CYP2U1: variants seen among roughly 807,000 people sequenced by gnomAD.
CYP2U1 encodes the protein cytochrome P450 2U1.
CYP2U1 carries 28 observed loss-of-function variants against 42.8 expected under a neutral mutation model. The observed-to-expected ratio is 0.65, with a 90% CI of 0.48 to 0.90. The LOEUF is 0.90. CYP2U1 is among the 40% of genes least tolerant of loss of function. CYP2U1 has a pLI of 0.00. For missense variants in CYP2U1, 642 were observed against 693.8 expected (o/e 0.93, Z 0.84); for synonymous variants, 296 against 278.9 (o/e 1.06, Z -0.61).
intron 2 of CYP2U1, 66 bp downstream of exon 2, chr4:107,945,671 C>G: frequency 3.3e-6 from 5 of 1,510,368 alleles, no homozygotes; most frequent in Non-Finnish European, 4.4e-6. Context: ...TTAGCAACCT[C>G]AGTGATCTGG....
intron 2 of CYP2U1, among the ~76,000 whole-genome samples, chr4:107,946,692 A>T (rs1054805504): frequency 6.6e-6 from 1 of 152,154 alleles, no homozygotes; most frequent in Non-Finnish European, 1.5e-5. Flanking sequence ...AATGACTTCC[A>T]GTTTAGGGTT....
At chr4:107,936,078 T>G (rs1006586874) in intron 1 of CYP2U1, 2 of 152,180 alleles carry the variant, frequency 1.3e-5, no homozygotes, top group Non-Finnish European at 2.9e-5. Flanking sequence ...TTTTCAAAAT[T>G]TCATGATTAG....
chr4:107,932,421 G>T (rs1733046595), intron 1 of CYP2U1, among the ~76,000 whole-genome samples: 1 of 152,214 alleles, frequency 6.6e-6, no homozygotes, highest in Non-Finnish European at 1.5e-5. Context: ...AGGACAAGGT[G>T]GCAAGCCAGG....
intron 2 of CYP2U1, among the ~76,000 whole-genome samples, chr4:107,947,051 G>A (rs1166186678): frequency 6.6e-6 from 1 of 152,202 alleles, no homozygotes; most frequent in Non-Finnish European, 1.5e-5. Context: ...GCTATCACAT[G>A]TTGTCACAGT....
intron 1 of CYP2U1, chr4:107,940,747 G>T (rs1425870729): frequency 6.6e-6 from 1 of 152,098 alleles, no homozygotes; most frequent in Non-Finnish European, 1.5e-5. Context: ...TGTTAAAAAT[G>T]TAAGAGTGAA....
chr4:107,945,702 T>G lies in CYP2U1; in HGVS notation c.1126+97T>G, dbSNP rs1733678098. 2.1e-6 allele frequency: 3 copies of G among 1,433,616 alleles called. No individual in the cohort carries two copies. The Admixed American group carries it at 7.0e-5, about 33-fold the overall frequency. The allele number at this position is 1,433,616 out of a possible 1,614,324, so 88.8% of individuals were successfully genotyped here. ...TCTGGTGGCTTCTAACACTGAGCAA[T>G]GTCTTCAGGCTGGCAAACAAATACT... On this transcript the variant is annotated intron_variant, in intron 2 of 4. Transcript: ENST00000332884.
Position 107,947,398 on chromosome 4 carries a change from AAG to A in CYP2U1, c.1152_1153del (p.Arg384SerfsTer54), listed in dbSNP as rs759033144. The A allele has an allele frequency of 5.0e-6, 8 of 1,613,972 alleles. No homozygotes were observed. Among genetic ancestry groups the A allele is most frequent in the Non-Finnish European group, 5.9e-6 (7 of 1,179,990 alleles). ...TAGAAAAGGTTCATGAAGAAATTGA[AAG>A]AGTCATTGGCGCCAACCGAGCTCCT... is the stretch of plus-strand genomic sequence containing the variant. ...VQEKVHEEIERVIGANRAPSL... is the reference protein window; with the variant it reads ...VQEKVHEEIEXVIGANRAPSL... On this transcript the variant is annotated frameshift_variant, in exon 3 of 5. Transcript: ENST00000332884. LOFTEE classifies it high-confidence loss of function.
intron 1 of CYP2U1, among the ~76,000 whole-genome samples, chr4:107,944,686 T>C (rs1436810341): frequency 6.6e-6 from 1 of 151,058 alleles, no homozygotes. Flanking sequence ...AAAATGAAAC[T>C]CATTGCTTTT....
chr4:107,938,616 C>T (rs1384821695), intron 1 of CYP2U1: 2 of 152,112 alleles, frequency 1.3e-5, no homozygotes, highest in African/African-American at 2.4e-5. Flanking sequence ...GGTGGCAATA[C>T]CCTTTCCTTC....
chr4:107,935,070 A>G (rs1733209217), intron 1 of CYP2U1, among the ~76,000 whole-genome samples: 1 of 152,338 alleles, frequency 6.6e-6, no homozygotes, highest in East Asian at 1.9e-4. Flanking sequence ...ACAAGCATCT[A>G]TTGATGTATG....
intron 1 of CYP2U1, chr4:107,940,747 G>C (rs1425870729): frequency 1.3e-5 from 2 of 152,098 alleles, no homozygotes; most frequent in Admixed American, 1.3e-4. Flanking sequence ...TGTTAAAAAT[G>C]TAAGAGTGAA....
chr4:107,935,267 A>G (rs1358738665), intron 1 of CYP2U1, among the ~76,000 whole-genome samples: 1 of 152,186 alleles, frequency 6.6e-6, no homozygotes. Context: ...ATTTCTAAGC[A>G]TTAGTTGGAT....
rs1733974802 is a variant in CYP2U1 at position 107,953,453 on chromosome 4, TTTAAC to T, written c.*3032_*3036del. On this transcript the variant is annotated 3_prime_UTR_variant, in exon 5 of 5. Coordinates refer to ENST00000332884, the MANE Select transcript of CYP2U1 (RefSeq NM_183075.3). ...AGTTTTGTTGCTTTTATTAAACTAT[TTTAAC>T]TGAGAAAGTGTCATGTCTGTTTTTT... is the stretch of plus-strand genomic sequence containing the variant. The T allele has an allele frequency of 6.6e-6, 1 of 152,218 alleles. No homozygotes were observed. The highest frequency in any genetic ancestry group is 1.5e-5 in the Non-Finnish European group (1 of 68,036). The allele number at this position is 152,218 out of a possible 1,614,324, so 9.4% of individuals were successfully genotyped here.
intron 2 of CYP2U1, among the ~76,000 whole-genome samples, chr4:107,945,928 T>G (rs2126199917): frequency 6.6e-6 from 1 of 152,354 alleles, no homozygotes; most frequent in South Asian, 2.1e-4. Flanking sequence ...ACATCTTGTT[T>G]TTTTGAAATT....
Position 107,945,129 on chromosome 4 carries a change from C to T in CYP2U1, c.650C>T (p.Pro217Leu), listed in dbSNP as rs1455388019. ...KAEMQKHGED[P>L]FCPFSIISNA... ...GAAATGCAAAAGCACGGAGAAGACC[C>T]CTTCTGCCCTTTCTCCATCATCAGC... The change falls in exon 2 of 5, where the codon CCC becomes CTC. Residue 217 changes from proline to leucine, a missense_variant. Transcript: ENST00000332884. 6.2e-7 allele frequency: 1 copy of T among 1,613,744 alleles called. No individual in the cohort carries two copies. The highest frequency in any genetic ancestry group is 1.1e-5 in the South Asian group (1 of 91,064).
chr4:107,952,190 T>C lies in CYP2U1; in HGVS notation c.*1767T>C, dbSNP rs963833898. ...GAAAAATCCTACCTTATTTGAATAA[T>C]TACAAGTCATGTTTTTGTTGCTTAA... On this transcript the variant is annotated 3_prime_UTR_variant, in exon 5 of 5. Coordinates refer to ENST00000332884, the MANE Select transcript of CYP2U1 (RefSeq NM_183075.3). 2 of 152,230 alleles carry C rather than the reference T, an allele frequency of 1.3e-5. No homozygotes were observed. Among genetic ancestry groups the C allele is most frequent in the African/African-American group, 4.8e-5 (2 of 41,462 alleles). The allele number at this position is 152,230 out of a possible 1,614,324, so 9.4% of individuals were successfully genotyped here. A position where few individuals can be genotyped will look rare whatever the true frequency, so the allele number is the denominator to read the frequency against.
At position 107,931,584 on chromosome 4, in the gene CYP2U1, A is replaced by C. The variant is rs527639707; in HGVS notation, c.-60A>C. On this transcript the variant is annotated 5_prime_UTR_variant, in exon 1 of 5. Coordinates refer to ENST00000332884, the MANE Select transcript of CYP2U1 (RefSeq NM_183075.3). Reference sequence around the variant, plus strand: ...AGGACACTGGCGCCGCGGGTCAGGCAGCTGCGTGCGCGTCTCCTCCAGGCA... The same window carrying C: ...AGGACACTGGCGCCGCGGGTCAGGCCGCTGCGTGCGCGTCTCCTCCAGGCA... 3.3e-6 allele frequency: 4 copies of C among 1,223,280 alleles called. No individual in the cohort carries two copies. Among genetic ancestry groups the C allele is most frequent in the East Asian group, 3.2e-5 (1 of 30,794 alleles). The allele number at this position is 1,223,280 out of a possible 1,614,324, so 75.8% of individuals were successfully genotyped here. A position where few individuals can be genotyped will look rare whatever the true frequency, so the allele number is the denominator to read the frequency against.
At chr4:107,941,338 C>T (rs1329302756) in intron 1 of CYP2U1, 1 of 151,974 alleles carries the variant, frequency 6.6e-6, no homozygotes. Flanking sequence ...ACCATTATAG[C>T]AAAATAGCTT....
chr4:107,944,725 A>G (rs1353669565), intron 1 of CYP2U1, among the ~76,000 whole-genome samples: 3 of 150,198 alleles, frequency 2.0e-5, no homozygotes, highest in Non-Finnish European at 4.4e-5. Flanking sequence ...TAACTATAAT[A>G]AGCTTTAGAG....
Sources: gnomAD v4.1 joint callset for allele counts (sites outside exome capture counted in the v4.1 genomes callset) on GRCh38, gnomAD v4.1.1 for gene constraint, MANE v1.5 for transcripts, NCBI Gene and HGNC (gene_info 2026-07-23, HGNC 2026-07-21) for gene names.